Variants in PTPRN2 observed in about 807,000 individuals in gnomAD.
PTPRN2 encodes the protein protein tyrosine phosphatase receptor type N2.
Under a neutral mutation model 118.8 loss-of-function variants are expected in PTPRN2, and 74 were observed. The observed-to-expected ratio is 0.62, with a 90% CI of 0.52 to 0.76. The LOEUF is 0.76. Among genes scored for constraint, PTPRN2 ranks in the 30% least tolerant of loss-of-function variants. The pLI is 0.00. For synonymous variants in PTPRN2, 641 were observed against 608.0 expected, an observed-to-expected ratio of 1.05 and a Z score of -0.80; for missense variants, 1,481 against 1,394.4, an observed-to-expected ratio of 1.06 and a Z score of -0.99.
intron 12 of PTPRN2, among the ~76,000 whole-genome samples, chr7:157,723,790 G>A (rs532819012): frequency 6.6e-6 from 1 of 152,202 alleles, no homozygotes; most frequent in East Asian, 1.9e-4. Context: ...TGTGAGAGAC[G>A]TAAGCCAGCA....
intron 3 of PTPRN2, among the ~76,000 whole-genome samples, chr7:158,288,370 C>A (rs1799893855): frequency 6.6e-6 from 1 of 152,058 alleles, no homozygotes; most frequent in African/African-American, 2.4e-5. Context: ...TTCCTTTCAT[C>A]CTCTGTGTCT....
intron 12 of PTPRN2, among the ~76,000 whole-genome samples, chr7:157,822,797 CCCAT>C (rs1194219700): frequency 6.6e-6 from 1 of 151,756 alleles, no homozygotes; most frequent in Middle Eastern, 3.4e-3. Context: ...TATCCATCAG[CCCAT>C]CCATCCATCC....
chr7:158,575,317 T>C (rs1442232707), intron 1 of PTPRN2, among the ~76,000 whole-genome samples: 5 of 152,256 alleles, frequency 3.3e-5, no homozygotes, highest in African/African-American at 4.8e-5. Flanking sequence ...ACAAATGTTA[T>C]ATATTATTTA....
At chr7:158,367,146 C>T (rs1472267291) in intron 2 of PTPRN2, among the ~76,000 whole-genome samples, 1 of 152,200 alleles carries the variant, frequency 6.6e-6, no homozygotes, top group Non-Finnish European at 1.5e-5. Flanking sequence ...GCTGACTTCT[C>T]CTCGGTCAAC....
intron 1 of PTPRN2, among the ~76,000 whole-genome samples, chr7:158,499,834 A>AGTGTGT (rs990941365): frequency 7.9e-6 from 1 of 127,028 alleles, no homozygotes; most frequent in Non-Finnish European, 1.8e-5. Context: ...CACACCCTCC[A>AGTGTGT]GTGTGTGTAT....
intron 15 of PTPRN2, among the ~76,000 whole-genome samples, chr7:157,607,464 G>A (rs199894728): frequency 2.6e-5 from 4 of 152,256 alleles, no homozygotes; most frequent in African/African-American, 7.2e-5. Flanking sequence ...CCGTTCTTAC[G>A]TGTCTGAGAA....
rs1810158723 is a variant in PTPRN2, at chr7:158,372,627, G to GAGCTGGTCCCCACCACGCTGGTCCCCA, written c.164-55696_164-55695insTGGGGACCAGCGTGGTGGGGACCAGCT. Reference sequence around the variant, plus strand: ...GCTGGTCCCCACCACGCTGGTCCCCGGAGCTGGTCCCCACCACGCTGGTTC... The same window carrying GAGCTGGTCCCCACCACGCTGGTCCCCA: ...GCTGGTCCCCACCACGCTGGTCCCCGAGCTGGTCCCCACCACGCTGGTCCCCAGAGCTGGTCCCCACCACGCTGGTTC... On this transcript the variant is annotated intron_variant, in intron 2 of 22. Transcript: ENST00000389418. Among the ~76,000 whole-genome samples the GAGCTGGTCCCCACCACGCTGGTCCCCA allele has an allele frequency of 4.7e-5, 7 of 149,672 alleles. 1 individual carries two copies. The highest frequency in any genetic ancestry group is 4.0e-4 in the East Asian group (2 of 5,030).
rs1408380661 is a variant in PTPRN2 at position 157,539,816 on chromosome 7, G to T, written c.*898C>A. 6.6e-6 allele frequency: 1 copy of T among 152,306 alleles called. No individual in the cohort carries two copies. Among genetic ancestry groups the T allele is most frequent in the Non-Finnish European group, 1.5e-5 (1 of 68,102 alleles). The allele number at this position is 152,306 out of a possible 1,614,324, so 9.4% of individuals were successfully genotyped here. On this transcript the variant is annotated 3_prime_UTR_variant, in exon 23 of 23. Coordinates refer to ENST00000389418, the MANE Select transcript of PTPRN2 (RefSeq NM_002847.5). ...CCACAGGTCCGGGACGTGCCTGGAGGAGCCAGCGGGGGCCTGGCAGGGTTC... is the reference window on the plus strand; with the variant it reads ...CCACAGGTCCGGGACGTGCCTGGAGTAGCCAGCGGGGGCCTGGCAGGGTTC...
chr7:158,203,157 A>G (rs865983442), intron 4 of PTPRN2, among the ~76,000 whole-genome samples: 2 of 145,672 alleles, frequency 1.4e-5, no homozygotes, highest in Non-Finnish European at 3.0e-5. Context: ...GCTTGAACCC[A>G]AGAGGTGGAG....
At chr7:158,378,443 G>A (rs1244737007) in intron 2 of PTPRN2, among the ~76,000 whole-genome samples, 3 of 152,138 alleles carry the variant, frequency 2.0e-5, no homozygotes, top group African/African-American at 4.8e-5. Context: ...GGAACCGCAG[G>A]TCCCAGTGAC....
intron 6 of PTPRN2, among the ~76,000 whole-genome samples, chr7:158,159,776 G>A (rs556779854): frequency 3.9e-5 from 6 of 152,102 alleles, no homozygotes; most frequent in South Asian, 4.2e-4. Context: ...CACAAGTACC[G>A]TATCTATATG....
At chr7:158,187,008 T>C (rs957190347) in intron 5 of PTPRN2, among the ~76,000 whole-genome samples, 3 of 152,234 alleles carry the variant, frequency 2.0e-5, no homozygotes, top group African/African-American at 7.2e-5. Flanking sequence ...AGGGAATTTA[T>C]GGTGTTCTGC....
At chr7:157,825,804 C>A (rs904934057) in intron 12 of PTPRN2, among the ~76,000 whole-genome samples, 4 of 152,218 alleles carry the variant, frequency 2.6e-5, no homozygotes, top group Non-Finnish European at 5.9e-5. Context: ...TCAGCTTCCA[C>A]CACTCAGCTT....
chr7:157,898,945 G>A (rs762913373), intron 11 of PTPRN2, among the ~76,000 whole-genome samples: 27 of 152,204 alleles, frequency 1.8e-4, no homozygotes, highest in Non-Finnish European at 3.7e-4. Context: ...ACCTCGGGCC[G>A]GCACAACTGT....
chr7:157,703,680 G>A (rs895455851), intron 12 of PTPRN2, among the ~76,000 whole-genome samples: 2 of 152,064 alleles, frequency 1.3e-5, no homozygotes, highest in Admixed American at 6.6e-5. Context: ...GCAAGTTCCC[G>A]GCCAGCCTGG....
intron 2 of PTPRN2, among the ~76,000 whole-genome samples, chr7:158,474,323 C>G (rs1820083683): frequency 6.6e-6 from 1 of 152,210 alleles, no homozygotes; most frequent in African/African-American, 2.4e-5. Flanking sequence ...TAACTGGCAC[C>G]CCGAGTCAAC....
chr7:158,315,490 C>T (rs1037746485), intron 3 of PTPRN2, among the ~76,000 whole-genome samples: 16 of 146,406 alleles, frequency 1.1e-4, no homozygotes, highest in Admixed American at 5.4e-4. Context: ...GAGGTGAACC[C>T]GGGACGCCCT....
At chr7:158,205,340 CTCACAA>C (rs1369444461) in intron 3 of PTPRN2, 67 bp from the exon 4 acceptor site, 3 of 1,188,208 alleles carry the variant, frequency 2.5e-6, no homozygotes, top group East Asian at 4.8e-5. Flanking sequence ...TTGCTTCAGT[CTCACAA>C]TTAGTTGCAT....
intron 1 of PTPRN2, among the ~76,000 whole-genome samples, chr7:158,500,620 G>A (rs1407470452): frequency 6.6e-6 from 1 of 152,224 alleles, no homozygotes; most frequent in Admixed American, 6.5e-5. Context: ...AAAGGGCCAC[G>A]CTGGCTTCCC....
Sources: allele counts gnomAD v4.1 joint callset (sites outside exome capture counted in the v4.1 genomes callset), GRCh38; gene constraint gnomAD v4.1.1; transcripts MANE v1.5; gene names NCBI Gene and HGNC (gene_info 2026-07-23, HGNC 2026-07-21).